GALNTL6: variants seen among roughly 807,000 people sequenced by gnomAD.
GALNTL6 encodes polypeptide N-acetylgalactosaminyltransferase like 6, also known as polypeptide N-acetylgalactosaminyltransferase-like 6.
In GALNTL6, 46 loss-of-function variants were observed where a neutral mutation model predicts 73.7. The observed-to-expected ratio is 0.62, with a 90% CI of 0.49 to 0.80. The LOEUF (loss-of-function observed/expected upper bound fraction) is 0.80, where lower values mean the gene tolerates loss of function less well. Ranked by LOEUF, GALNTL6 falls within the 30% of genes least tolerant of loss-of-function variation. GALNTL6 has a pLI of 0.00. For synonymous variants in GALNTL6, 259 were observed against 263.7 expected (o/e 0.98, Z 0.17); for missense variants, 604 against 755.0 (o/e 0.80, Z 2.34).
intron 2 of GALNTL6, among the ~76,000 whole-genome samples, chr4:171,871,109 T>C (rs565580469): frequency 6.6e-6 from 1 of 152,318 alleles, no homozygotes; most frequent in African/African-American, 2.4e-5. Context: ...AACAACTACA[T>C]TAAAATATGT....
chr4:172,139,866 TA>T (rs1733756858), intron 2 of GALNTL6, among the ~76,000 whole-genome samples: 1 of 152,194 alleles, frequency 6.6e-6, no homozygotes, highest in African/African-American at 2.4e-5. Flanking sequence ...TCATTCTGAT[TA>T]CTCAGAAATA....
chr4:172,229,859 C>T lies in GALNTL6; in HGVS notation c.247+95C>T. On this transcript the variant is annotated intron_variant, in intron 3 of 12. Transcript: ENST00000506823. ...CTCTAATTAGCATTTCTTCTGCACA[C>T]TGTAAAGTATGTTTCATGGGGATAT... 4 of 722,116 alleles carry T rather than the reference C, an allele frequency of 5.5e-6. No individual in the cohort carries two copies. The South Asian group carries it at 6.9e-5, about 12-fold the overall frequency. 44.7% of individuals were successfully genotyped at this position (722,116 alleles called of 1,614,324 possible).
chr4:172,700,148 C>G (rs1288293548), intron 5 of GALNTL6, among the ~76,000 whole-genome samples: 1 of 152,094 alleles, frequency 6.6e-6, no homozygotes, highest in Non-Finnish European at 1.5e-5. Context: ...AAAATCATAA[C>G]CTTGTAATCA....
chr4:171,908,147 G>A (rs1199760680), intron 2 of GALNTL6, among the ~76,000 whole-genome samples: 1 of 152,152 alleles, frequency 6.6e-6, no homozygotes, highest in Non-Finnish European at 1.5e-5. Context: ...TGACAAATGG[G>A]ATCTAATTAA....
intron 8 of GALNTL6, among the ~76,000 whole-genome samples, chr4:172,890,016 T>A (rs1033249956): frequency 1.3e-5 from 2 of 152,204 alleles, no homozygotes; most frequent in Admixed American, 1.3e-4. Context: ...ATCCATGTCC[T>A]CTAGATTTTC....
chr4:171,826,700 C>G (rs554140767), intron 2 of GALNTL6, among the ~76,000 whole-genome samples: 1 of 152,072 alleles, frequency 6.6e-6, no homozygotes, highest in Admixed American at 6.6e-5. Context: ...AACACTCCTA[C>G]GGAAAACGGT....
intron 2 of GALNTL6, among the ~76,000 whole-genome samples, chr4:172,004,152 A>T (rs986104957): frequency 6.6e-6 from 1 of 152,182 alleles, no homozygotes; most frequent in Non-Finnish European, 1.5e-5. Flanking sequence ...ACAATAATTT[A>T]TTCTTTGGTG....
chr4:172,453,336 G>T (rs780145898), intron 5 of GALNTL6, among the ~76,000 whole-genome samples: 5 of 152,104 alleles, frequency 3.3e-5, no homozygotes, highest in Non-Finnish European at 7.4e-5. Context: ...AGAAGACAGA[G>T]AATTTTAAAA....
intron 5 of GALNTL6, among the ~76,000 whole-genome samples, chr4:172,417,177 T>G (rs1730869868): frequency 1.3e-5 from 2 of 151,952 alleles, no homozygotes; most frequent in African/African-American, 4.8e-5. Flanking sequence ...GCTTTATGTG[T>G]GTGTGTGTGT....
intron 5 of GALNTL6, among the ~76,000 whole-genome samples, chr4:172,592,666 GTCTGTCTATCTATCTATCTATCTA>G (rs1737685974): frequency 9.1e-6 from 1 of 109,296 alleles, no homozygotes. Flanking sequence ...CTGTCTGTCT[GTCTGTCTATCTATCTATCTATCTA>G]TCTATCTATC....
chr4:172,005,019 T>C (rs1282060064), intron 2 of GALNTL6, among the ~76,000 whole-genome samples: 4 of 152,164 alleles, frequency 2.6e-5, no homozygotes, highest in Non-Finnish European at 4.4e-5. Flanking sequence ...ATACTGTGCC[T>C]TGTTACGTGA....
chr4:172,715,220 A>C (rs1458087348), intron 5 of GALNTL6, among the ~76,000 whole-genome samples: 2 of 152,144 alleles, frequency 1.3e-5, no homozygotes, highest in Non-Finnish European at 2.9e-5. Flanking sequence ...ATTGTCCTTT[A>C]TGAAGGTAGT....
rs74983852 is a variant in GALNTL6, at chr4:172,893,954, C to A, written c.1041+11047C>A. Among the ~76,000 whole-genome samples the A allele has an allele frequency of 5.8e-3, 885 of 152,282 alleles. 7 individuals carry two copies. Among genetic ancestry groups the A allele is most frequent in the African/African-American group, 0.02 (828 of 41,556 alleles). On this transcript the variant is annotated intron_variant, in intron 8 of 12. Transcript: ENST00000506823. ...TCCTTCACTCGCCCCTTCCTTAGGA[C>A]CTAGTCAGGTTTGGGAGCTGGTCCT... is the stretch of plus-strand genomic sequence containing the variant.
At chr4:172,996,416 T>G (rs990152454) in intron 10 of GALNTL6, among the ~76,000 whole-genome samples, 1 of 146,818 alleles carries the variant, frequency 6.8e-6, no homozygotes, top group African/African-American at 2.4e-5. Flanking sequence ...GAAGGAGAGA[T>G]CAGGAAAAAT....
chr4:173,028,886 G>T (rs1484010490), intron 12 of GALNTL6, among the ~76,000 whole-genome samples: 2 of 152,170 alleles, frequency 1.3e-5, no homozygotes, highest in Admixed American at 1.3e-4. Context: ...CAGGTAAGAA[G>T]GCACCTGCCA....
intron 2 of GALNTL6, among the ~76,000 whole-genome samples, chr4:171,942,805 G>A (rs1303530563): frequency 1.3e-5 from 2 of 152,194 alleles, no homozygotes; most frequent in Non-Finnish European, 2.9e-5. Context: ...TGTCCCAAGT[G>A]TCTGATGTGA....
intron 10 of GALNTL6, among the ~76,000 whole-genome samples, chr4:172,995,258 C>T (rs1172933850): frequency 1.4e-5 from 2 of 147,960 alleles, no homozygotes; most frequent in African/African-American, 2.5e-5. Context: ...CTGCTTACCC[C>T]GCACAGTGTG....
At position 172,377,879 on chromosome 4, in the gene GALNTL6, G is replaced by A. The variant is rs1056132713; in HGVS notation, c.553+29190G>A. Reference sequence around the variant, plus strand: ...CCACCCAGAATTCACGCTGGCCCGCGAGCGCTGCACGCAGCACCAGATCCC... The same window carrying A: ...CCACCCAGAATTCACGCTGGCCCGCAAGCGCTGCACGCAGCACCAGATCCC... On this transcript the variant is annotated intron_variant, in intron 5 of 12. Transcript: ENST00000506823. 7.9e-5 allele frequency among the ~76,000 whole-genome samples: 12 copies of A among 152,024 alleles called. 1 individual carries two copies. The highest frequency in any genetic ancestry group is 3.4e-3 in the Middle Eastern group (1 of 294).
At chr4:172,487,757 T>C (rs540983428) in intron 5 of GALNTL6, among the ~76,000 whole-genome samples, 1 of 152,302 alleles carries the variant, frequency 6.6e-6, no homozygotes, top group South Asian at 2.1e-4. Context: ...AAGAATAAAC[T>C]ATTCAATATA....
Sources: gnomAD v4.1 joint callset for allele counts (sites outside exome capture counted in the v4.1 genomes callset) on GRCh38, gnomAD v4.1.1 for gene constraint, MANE v1.5 for transcripts, NCBI Gene and HGNC (gene_info 2026-07-23, HGNC 2026-07-21) for gene names.